The following CAPN15 variants were observed in gnomAD, a reference collection of about 807,000 sequenced individuals.
CAPN15 encodes calpain 15.
A neutral mutation model predicts 97.9 loss-of-function variants in CAPN15; 53 were observed. The observed-to-expected ratio is 0.54, with a 90% confidence interval of 0.43 to 0.68. CAPN15 has a LOEUF of 0.68. CAPN15 is among the 30% of genes least tolerant of loss of function. The pLI is 0.00. For synonymous variants in CAPN15, 922 were observed against 722.5 expected (o/e 1.28, Z -4.43); for missense variants, 1,592 against 1,589.8 (o/e 1.00, Z -0.02).
intron 3 of CAPN15, chr16:537,540 C>A: frequency 1.4e-6 from 1 of 697,192 alleles, no homozygotes; most frequent in Non-Finnish European, 1.8e-6. Flanking sequence ...CAAACCAGCT[C>A]AGGGCCCAGT....
At chr16:537,002 G>C (rs1296240138) in intron 3 of CAPN15, 1 of 400,770 alleles carries the variant, frequency 2.5e-6, no homozygotes, top group Non-Finnish European at 3.4e-6. Flanking sequence ...TGACTCCTCT[G>C]GCAGCGGATC....
rs1217150691 is a variant in CAPN15 at position 546,756 on chromosome 16, G to A, written c.-22-61G>A. On this transcript the variant is annotated intron_variant, in intron 3 of 13. Transcript: ENST00000219611. Reference sequence around the variant, plus strand: ...GGGTGCCTTCCCCAGGCCGAGAGGAGGGTGGGGTCCAGCCACTCAGGACCT... The same window carrying A: ...GGGTGCCTTCCCCAGGCCGAGAGGAAGGTGGGGTCCAGCCACTCAGGACCT... The A allele has an allele frequency of 2.7e-6, 4 of 1,494,928 alleles. No homozygotes were observed. In the East Asian group the frequency reaches 7.3e-5, roughly 27 times the overall value. 92.6% of individuals were successfully genotyped at this position (1,494,928 alleles called of 1,614,324 possible).
chr16:530,865 T>C (rs114536223), intron 1 of CAPN15, among the ~76,000 whole-genome samples: 3,963 of 152,282 alleles, frequency 0.026, 180 homozygotes, highest in African/African-American at 0.09. Flanking sequence ...AAGCCAGCAG[T>C]GTGGCCGCCC....
Position 548,979 on chromosome 16 carries a change from C to T in CAPN15, c.1450-14C>T, listed in dbSNP as rs1030992711. The T allele has an allele frequency of 8.7e-6, 14 of 1,612,038 alleles. No homozygotes were observed. Among genetic ancestry groups the T allele is most frequent in the African/African-American group, 8.0e-5 (6 of 74,930 alleles). ...ACCCTGCCCAGCCTGAGCACATGGCCGTGGTCTCTGCAGAACAATGTGAGC... is the reference window on the plus strand; with the variant it reads ...ACCCTGCCCAGCCTGAGCACATGGCTGTGGTCTCTGCAGAACAATGTGAGC... On this transcript the variant is annotated splice_polypyrimidine_tract_variant and intron_variant, in intron 4 of 13. Transcript: ENST00000219611.
intron 1 of CAPN15, among the ~76,000 whole-genome samples, chr16:529,008 A>G (rs1016870066): frequency 6.6e-6 from 1 of 152,144 alleles, no homozygotes; most frequent in Non-Finnish European, 1.5e-5. Flanking sequence ...TCAACTGTGA[A>G]GTGGGGCAAG....
At chr16:553,207 T>C in intron 13 of CAPN15, 132 bp from the exon 14 acceptor site, 1 of 281,918 alleles carries the variant, frequency 3.5e-6, no homozygotes, top group Non-Finnish European at 6.9e-6. Context: ...AGAGGTGTGC[T>C]CATACCCCTG....
chr16:534,943 T>C (rs2033593844), intron 2 of CAPN15, among the ~76,000 whole-genome samples: 1 of 151,900 alleles, frequency 6.6e-6, no homozygotes, highest in Non-Finnish European at 1.5e-5. Flanking sequence ...GGGACACGCC[T>C]GTGTCACCTG....
rs375894029 is a variant in CAPN15, at chr16:551,676, G to A, written c.2345+12G>A. ...GGCGACTTTGTCAGGTATCGGCACC[G>A]TGGGGCGGTGTGCACGCCGCCCCCG... On this transcript the variant is annotated intron_variant, in intron 9 of 13. Coordinates refer to ENST00000219611, the MANE Select transcript of CAPN15 (RefSeq NM_005632.3). The A allele has an allele frequency of 2.5e-5, 40 of 1,584,708 alleles. No homozygotes were observed. Among genetic ancestry groups the A allele is most frequent in the Middle Eastern group, 1.7e-4 (1 of 5,988 alleles).
chr16:544,706 G>T (rs1180668958), intron 3 of CAPN15, among the ~76,000 whole-genome samples: 1 of 125,084 alleles, frequency 8.0e-6, no homozygotes. Context: ...CCCCCACGTC[G>T]CCTCCCCCAC....
Position 547,819 on chromosome 16 carries a change from C to G in CAPN15, c.981C>G (p.Asp327Glu). The change falls in exon 4 of 14, where the codon GAC becomes GAG. Residue 327 changes from aspartate to glutamate, a missense_variant. This residue lies in a region of CAPN15 where 883 missense variants were observed against 776.6 expected (regional missense o/e 1.14). Coordinates refer to ENST00000219611, the MANE Select transcript of CAPN15 (RefSeq NM_005632.3). Reference protein sequence around the residue: ...SGSDIIDLAGDTVRYTPASPS... With the variant: ...SGSDIIDLAGETVRYTPASPS... ...GTGACATCATTGACCTGGCCGGAGACACCGTGCGTTACACGCCCGCCAGCC... is the reference window on the plus strand; with the variant it reads ...GTGACATCATTGACCTGGCCGGAGAGACCGTGCGTTACACGCCCGCCAGCC... 6.2e-7 allele frequency: 1 copy of G among 1,611,744 alleles called. No homozygotes were observed. The highest frequency in any genetic ancestry group is 8.5e-7 in the Non-Finnish European group (1 of 1,179,592).
chr16:551,611 G>T lies in CAPN15; in HGVS notation c.2292G>T (p.Met764Ile). The change falls in exon 9 of 14, where the codon ATG (methionine) becomes ATT (isoleucine). Residue 764 changes from methionine (M) to isoleucine (I), a missense_variant. By Grantham distance (10) the Met-to-Ile change is conservative (BLOSUM62 1). This residue lies in a region of CAPN15 where 644 missense variants were observed against 699.6 expected (regional missense o/e 0.92). Coordinates refer to ENST00000219611, the MANE Select transcript of CAPN15 (RefSeq NM_005632.3). ...HWPGHLRGEL[M>I]PHGSSEGVFW... ...CGGGGCACCTGCGTGGCGAGCTCAT[G>T]CCGCACGGCAGCAGTGAGGGTGTCT... 1 of 1,607,122 alleles carries T rather than the reference G, an allele frequency of 6.2e-7. No individual in the cohort carries two copies. The highest frequency in any genetic ancestry group is 8.5e-7 in the Non-Finnish European group (1 of 1,178,572).
At chr16:544,862 C>T (rs1366295162) in intron 3 of CAPN15, among the ~76,000 whole-genome samples, 1 of 102,902 alleles carries the variant, frequency 9.7e-6, no homozygotes, top group African/African-American at 4.6e-5. Context: ...GCCTCCCCCA[C>T]GTCGCCTCCC....
Position 554,421 on chromosome 16 carries a change from C to T in CAPN15, c.*905C>T. 2.3e-6 allele frequency: 1 copy of T among 438,708 alleles called. No homozygotes were observed. The highest frequency in any genetic ancestry group is 4.6e-6 in the Non-Finnish European group (1 of 217,534). 27.2% of individuals were successfully genotyped at this position (438,708 alleles called of 1,614,324 possible). ...ACTCCCCCTCCTACCCCGGCAGGGG[C>T]TTCCGGGGCCTTTTCACCTGGAGAA... On this transcript the variant is annotated 3_prime_UTR_variant, in exon 14 of 14. Transcript: ENST00000219611.
At chr16:551,818 C>T (rs760346261) in intron 9 of CAPN15, 154 bp downstream of exon 9, 22 of 1,092,488 alleles carry the variant, frequency 2.0e-5, no homozygotes, top group Non-Finnish European at 2.7e-5. Context: ...AAGGTGCCAA[C>T]CTCAGAATTC....
intron 3 of CAPN15, among the ~76,000 whole-genome samples, chr16:542,942 T>A (rs531888811): frequency 2.0e-4 from 30 of 152,008 alleles, no homozygotes; most frequent in Non-Finnish European, 2.6e-4. Flanking sequence ...TCCTAGCTAC[T>A]AGGGAGGCTG....
At chr16:528,618 C>T (rs977008192) in intron 1 of CAPN15, 3 of 538,536 alleles carry the variant, frequency 5.6e-6, no homozygotes, top group African/African-American at 4.1e-5. Context: ...CAGAAGGGGC[C>T]CCTCTAGTCC....
chr16:535,811 AGGCCCGGGGG>A lies in CAPN15; in HGVS notation c.-136-216_-136-207del, dbSNP rs566577476. ...CCTGAAACAGCCTGGCCCACAGCAGAGGCCCGGGGGGCACATGCAGCTCACGGGAGCAGCA... is the reference window on the plus strand; with the variant it reads ...CCTGAAACAGCCTGGCCCACAGCAGAGCACATGCAGCTCACGGGAGCAGCA... On this transcript the variant is annotated intron_variant, in intron 2 of 13. Transcript: ENST00000219611. This position sits in a 1 kb window ranked among gnomAD's most constrained non-coding sequence, Gnocchi z 6.2. Among the ~76,000 whole-genome samples the A allele has an allele frequency of 3.2e-4, 49 of 152,226 alleles. No individual in the cohort carries two copies. Among genetic ancestry groups the A allele is most frequent in the Admixed American group, 1.0e-3 (16 of 15,298 alleles).
intron 3 of CAPN15, chr16:537,013 G>C: frequency 6.6e-6 from 3 of 455,176 alleles, no homozygotes; most frequent in Non-Finnish European, 8.7e-6. Flanking sequence ...GCAGCGGATC[G>C]GGGCGGTTCA....
intron 5 of CAPN15, 41 bp downstream of exon 5, chr16:549,242 G>GGGGGGGGGGGGGGCCCCCCCC: frequency 3.3e-6 from 1 of 298,860 alleles, no homozygotes; most frequent in Non-Finnish European, 6.4e-6. Context: ...GGGTGGGCGG[G>GGGGGGGGGGGGGGCCCCCCCC]CGACCGGCCG....
Sources: gnomAD v4.1 joint callset for allele counts (sites outside exome capture counted in the v4.1 genomes callset) on GRCh38, gnomAD v4.1.1 for gene constraint, gnomAD v4.1.1 regional missense constraint, Gnocchi (gnomAD v3.1) non-coding constraint, MANE v1.5 for transcripts, NCBI Gene and HGNC (gene_info 2026-07-23, HGNC 2026-07-21) for gene names.